OMA1: variants seen among roughly 807,000 people sequenced by gnomAD.
OMA1 encodes the protein OMA1 zinc metallopeptidase, also known as metalloendopeptidase OMA1, mitochondrial.
A neutral mutation model predicts 30.9 loss-of-function variants in OMA1; 38 were observed. That is an observed-to-expected ratio of 1.23 (90% CI 0.95 to 1.61). The LOEUF (loss-of-function observed/expected upper bound fraction) is 1.61, where lower values mean the gene tolerates loss of function less well. Ranked by LOEUF, OMA1 falls within the 40% of genes most tolerant of loss-of-function variation. OMA1 has a pLI of 0.00. For missense variants in OMA1, 461 were observed against 349.2 expected, an observed-to-expected ratio of 1.32 and a Z score of -2.55; for synonymous variants, 173 against 121.9, an observed-to-expected ratio of 1.42 and a Z score of -2.76.
At chr1:58,490,162 C>A (rs890898147) in intron 8 of OMA1, among the ~76,000 whole-genome samples, 2 of 152,084 alleles carry the variant, frequency 1.3e-5, no homozygotes, top group Admixed American at 6.6e-5. Context: ...GGAGGAAGTT[C>A]GAACCCATGG....
At chr1:58,511,943 C>T (rs1646084110) in intron 7 of OMA1, among the ~76,000 whole-genome samples, 1 of 151,994 alleles carries the variant, frequency 6.6e-6, no homozygotes, top group Non-Finnish European at 1.5e-5. Flanking sequence ...AAGCTCTGCA[C>T]AGCTAAGGAA....
intron 8 of OMA1, among the ~76,000 whole-genome samples, chr1:58,488,990 C>A (rs770114583): frequency 6.6e-6 from 1 of 152,250 alleles, no homozygotes; most frequent in Non-Finnish European, 1.5e-5. Flanking sequence ...ATAGGAACAG[C>A]TCCAGTCTAC....
intron 7 of OMA1, among the ~76,000 whole-genome samples, chr1:58,509,835 A>T (rs1384101670): frequency 6.6e-6 from 1 of 152,070 alleles, no homozygotes; most frequent in Non-Finnish European, 1.5e-5. Flanking sequence ...CTGATACCAT[A>T]CAAAGGATCA....
At chr1:58,513,117 A>G in intron 7 of OMA1, among the ~76,000 whole-genome samples, 1 of 152,010 alleles carries the variant, frequency 6.6e-6, no homozygotes, top group East Asian at 1.9e-4. Context: ...CGAGGGAGGG[A>G]CTTGGTAGGA....
chr1:58,531,786 T>C (rs1245884368), intron 5 of OMA1, among the ~76,000 whole-genome samples: 1 of 152,128 alleles, frequency 6.6e-6, no homozygotes, highest in Non-Finnish European at 1.5e-5. Flanking sequence ...CTCGACTCAC[T>C]GCAACCTCCG....
intron 7 of OMA1, among the ~76,000 whole-genome samples, chr1:58,515,421 ATT>A (rs1557448927): frequency 6.6e-6 from 1 of 152,152 alleles, no homozygotes; most frequent in Non-Finnish European, 1.5e-5. Context: ...AATATAATAA[ATT>A]AAGTTTTAAT....
intron 8 of OMA1, among the ~76,000 whole-genome samples, chr1:58,499,700 GTTTGA>G (rs1645871257): frequency 6.6e-6 from 1 of 151,880 alleles, no homozygotes; most frequent in South Asian, 2.1e-4. Context: ...ATCTTAGTTG[GTTTGA>G]TTTAACCATT....
intron 8 of OMA1, among the ~76,000 whole-genome samples, chr1:58,490,697 G>C (rs1273516876): frequency 6.6e-6 from 1 of 151,336 alleles, no homozygotes; most frequent in Non-Finnish European, 1.5e-5. Flanking sequence ...AGAGAGAAAG[G>C]TCGGGTTACC....
At position 58,538,794 on chromosome 1, in the gene OMA1, C is replaced by A; in HGVS notation, c.500+1G>T. ...GTTTTTATTCTAAAAAAGCATTTTACCTGCCTACAATGATTGCAAATAACT... is the reference window on the plus strand; with the variant it reads ...GTTTTTATTCTAAAAAAGCATTTTAACTGCCTACAATGATTGCAAATAACT... On this transcript the variant is annotated splice_donor_variant, in intron 2 of 8. Transcript: ENST00000371226. LOFTEE classifies it high-confidence loss of function. 1 of 760,730 alleles carries A rather than the reference C, an allele frequency of 1.3e-6. No homozygotes were observed. Among genetic ancestry groups the A allele is most frequent in the Non-Finnish European group, 2.2e-6 (1 of 449,226 alleles). The allele number at this position is 760,730 out of a possible 1,614,324, so 47.1% of individuals were successfully genotyped here.
chr1:58,534,981 T>C (rs759040213), intron 3 of OMA1, among the ~76,000 whole-genome samples: 35 of 152,150 alleles, frequency 2.3e-4, no homozygotes, highest in Non-Finnish European at 4.3e-4. Flanking sequence ...ACTTAAGATT[T>C]CATCTAAGTA....
intron 1 of OMA1, among the ~76,000 whole-genome samples, chr1:58,542,074 T>C (rs1403201352): frequency 6.6e-6 from 1 of 152,242 alleles, no homozygotes; most frequent in African/African-American, 2.4e-5. Context: ...CTCAAATTTA[T>C]TTTTTATGTA....
At chr1:58,508,118 G>T (rs1646017855) in intron 7 of OMA1, among the ~76,000 whole-genome samples, 3 of 152,056 alleles carry the variant, frequency 2.0e-5, no homozygotes, top group African/African-American at 7.2e-5. Context: ...AATAGAAAAA[G>T]AAATTAATTA....
At chr1:58,503,344 G>T (rs903745968) in intron 8 of OMA1, among the ~76,000 whole-genome samples, 1 of 152,142 alleles carries the variant, frequency 6.6e-6, no homozygotes, top group Non-Finnish European at 1.5e-5. Flanking sequence ...AGTTACTGAA[G>T]AAATACATAA....
At chr1:58,516,198 T>C (rs1646155138) in intron 7 of OMA1, among the ~76,000 whole-genome samples, 1 of 152,118 alleles carries the variant, frequency 6.6e-6, no homozygotes, top group Non-Finnish European at 1.5e-5. Context: ...TCAAAAACAA[T>C]CATACACCAT....
chr1:58,497,703 A>G (rs1443374899), intron 8 of OMA1, among the ~76,000 whole-genome samples: 1 of 152,212 alleles, frequency 6.6e-6, no homozygotes, highest in Non-Finnish European at 1.5e-5. Context: ...TGTACCAGAA[A>G]GAGAAGGATG....
intron 7 of OMA1, among the ~76,000 whole-genome samples, chr1:58,525,319 T>C (rs763302635): frequency 4.8e-5 from 7 of 146,398 alleles, no homozygotes; most frequent in South Asian, 2.2e-4. Context: ...AAAAATCCTA[T>C]GTATAAGTGG....
chr1:58,515,997 G>A (rs1646152358), intron 7 of OMA1, among the ~76,000 whole-genome samples: 2 of 152,096 alleles, frequency 1.3e-5, no homozygotes, highest in African/African-American at 4.8e-5. Flanking sequence ...TCACTAGATG[G>A]TGCTATTGGC....
chr1:58,515,378 TC>T (rs1646143800), intron 7 of OMA1, among the ~76,000 whole-genome samples: 1 of 152,196 alleles, frequency 6.6e-6, no homozygotes, highest in Non-Finnish European at 1.5e-5. Context: ...ATTTTCTGCA[TC>T]TTTTGATTGC....
intron 7 of OMA1, among the ~76,000 whole-genome samples, chr1:58,526,369 A>G (rs545415235): frequency 2.8e-4 from 43 of 152,258 alleles, no homozygotes; most frequent in African/African-American, 9.6e-4. Flanking sequence ...AATAGTTTTA[A>G]TAACTACCAG....
Sources: allele counts gnomAD v4.1 joint callset (sites outside exome capture counted in the v4.1 genomes callset), GRCh38; gene constraint gnomAD v4.1.1; transcripts MANE v1.5; gene names NCBI Gene and HGNC (gene_info 2026-07-23, HGNC 2026-07-21).